STAG3: variants seen among roughly 807,000 people sequenced by gnomAD.
The protein encoded by STAG3 is STAG3 cohesin complex component, also known as cohesin subunit SA-3.
A neutral mutation model predicts 160.7 loss-of-function variants in STAG3; 101 were observed. That is an observed-to-expected ratio of 0.63 (90% CI 0.54 to 0.74). STAG3 has a LOEUF of 0.74. Among genes scored for constraint, STAG3 ranks in the 30% least tolerant of loss-of-function variants. STAG3 has a pLI of 0.00. For missense variants in STAG3, 1,188 were observed against 1,517.4 expected (o/e 0.78, Z 3.61); for synonymous variants, 519 against 585.0 (o/e 0.89, Z 1.63).
intron 10 of STAG3, 77 bp from the exon 11 acceptor site, chr7:100,197,701 G>A (rs1456507097): frequency 2.6e-6 from 3 of 1,135,074 alleles, no homozygotes; most frequent in East Asian, 2.3e-5. Flanking sequence ...TCGGAGAGGG[G>A]AGTCTGGAGG....
At chr7:100,189,165 C>T in intron 7 of STAG3, 149 bp downstream of exon 7, 1 of 965,950 alleles carries the variant, frequency 1.0e-6, no homozygotes, top group Non-Finnish European at 1.5e-6. Context: ...TCCAGTTTCT[C>T]ACTAGTGGAG....
chr7:100,205,407 G>GGGGGT lies in STAG3; in HGVS notation c.3238+25_3238+29dup, dbSNP rs2117403192. On this transcript the variant is annotated intron_variant, in intron 29 of 33. Transcript: ENST00000615138. Reference sequence around the variant, plus strand: ...AAGGTAGGGTGCTGTGTGTGGGTATGGGGGTGCCCAGCAGGTGGTCGTTGG... The same window carrying GGGGGT: ...AAGGTAGGGTGCTGTGTGTGGGTATGGGGGTGGGGTGCCCAGCAGGTGGTCGTTGG... 4 of 1,572,576 alleles carry GGGGGT rather than the reference G, an allele frequency of 2.5e-6. No individual in the cohort carries two copies. The East Asian group carries it at 9.1e-5, about 36-fold the overall frequency.
chr7:100,190,069 G>A (rs1017506375), intron 8 of STAG3, among the ~76,000 whole-genome samples: 25 of 152,178 alleles, frequency 1.6e-4, no homozygotes, highest in Admixed American at 1.6e-3. Flanking sequence ...ATAGCCTTAT[G>A]TAACCTCTCT....
At position 100,198,102 on chromosome 7, in the gene STAG3, A is replaced by G. The variant is rs1163242972; in HGVS notation, c.1180A>G (p.Met394Val). The change falls in exon 12 of 34, where the codon ATG (methionine) becomes GTG (valine). Residue 394 changes from methionine to valine, a missense_variant. By Grantham distance (21) the Met-to-Val change is conservative. Coordinates refer to ENST00000615138, the MANE Select transcript of STAG3 (RefSeq NM_001282717.2). ...TSRFKDRMVS[M>V]VMDREYDVAV... ...CTTTCTGCAGGACCGGATGGTTTCCATGGTCATGGACAGAGAGTATGATGT... is the reference window on the plus strand; with the variant it reads ...CTTTCTGCAGGACCGGATGGTTTCCGTGGTCATGGACAGAGAGTATGATGT... 4 of 1,613,958 alleles carry G rather than the reference A, an allele frequency of 2.5e-6. No homozygotes were observed. The highest frequency in any genetic ancestry group is 1.1e-5 in the South Asian group (1 of 91,074).
intron 32 of STAG3, chr7:100,212,747 A>C (rs552819053): frequency 6.6e-6 from 1 of 152,288 alleles, no homozygotes; most frequent in African/African-American, 2.4e-5. Context: ...GGTGTGAGCC[A>C]CTGCGTGGGG....
intron 23 of STAG3, 46 bp downstream of exon 23, chr7:100,202,087 C>T (rs1329424452): frequency 6.2e-7 from 1 of 1,611,138 alleles, no homozygotes; most frequent in Non-Finnish European, 8.5e-7. Context: ...TATCCCTGCC[C>T]CCATTCCAAG....
chr7:100,216,698 G>A (rs1802780236), downstream of STAG3, among the ~76,000 whole-genome samples: 1 of 152,006 alleles, frequency 6.6e-6, no homozygotes, highest in African/African-American at 2.4e-5. Flanking sequence ...CTACTCGGGA[G>A]GCTGAGACAG....
chr7:100,178,649 T>C (rs7799441), intron 1 of STAG3, among the ~76,000 whole-genome samples: 74,215 of 148,362 alleles, frequency 0.5, 18,879 homozygotes, highest in East Asian at 0.69. Flanking sequence ...TGATCTTGAA[T>C]TCCTGGACCC....
rs555943195 is a variant in STAG3, at chr7:100,200,915, G to A, written c.2007G>A (p.Gln669=). The part of the protein sequence containing the change: ...FFSRADFARS[Q]LVDLLTDRFQ... ...GCCGGGCGGACTTTGCCCGCAGCCA[G>A]CTAGTAGATTTGCTGACTGACCGCT... The change falls in exon 19 of 34, where the codon CAG becomes CAA. Residue 669 remains glutamine (Q), a synonymous_variant. Transcript: ENST00000615138. 7.4e-6 allele frequency: 12 copies of A among 1,614,252 alleles called. No homozygotes were observed. In the South Asian group the frequency reaches 8.8e-5, roughly 12 times the overall value.
chr7:100,219,208 G>T, downstream of STAG3: 1 of 153,006 alleles, frequency 6.5e-6, no homozygotes, highest in East Asian at 1.9e-4. Flanking sequence ...GCTTAACCTG[G>T]TGAGAGACAT....
downstream of STAG3, chr7:100,218,596 GA>G: frequency 2.5e-6 from 1 of 400,256 alleles, no homozygotes; most frequent in South Asian, 2.1e-5. Context: ...GTTATAAAGT[GA>G]AGGGATTTTT....
At position 100,201,976 on chromosome 7, in the gene STAG3, A is replaced by T; in HGVS notation, c.2329A>T (p.Met777Leu). ...QKQLSSLRDR[M>L]VAFCELCQSC... ...GCAGCTGTCGAGTTTGAGGGACAGA[A>T]TGGTGGCCTTCTGTGAACTCTGCCA... The change falls in exon 23 of 34, where the codon ATG becomes TTG. Residue 777 changes from methionine to leucine, a missense_variant. Coordinates refer to ENST00000615138, the MANE Select transcript of STAG3 (RefSeq NM_001282717.2). 6.2e-7 allele frequency: 1 copy of T among 1,614,200 alleles called. No individual in the cohort carries two copies. The highest frequency in any genetic ancestry group is 8.5e-7 in the Non-Finnish European group (1 of 1,180,032).
At chr7:100,204,447 A>T (rs1299939770) in intron 26 of STAG3, among the ~76,000 whole-genome samples, 180 bp from the exon 27 acceptor site, 1 of 152,170 alleles carries the variant, frequency 6.6e-6, no homozygotes. Flanking sequence ...TATGGAGTAG[A>T]GGTGATTGGC....
At chr7:100,202,379 G>C in intron 24 of STAG3, 39 bp downstream of exon 24, 1 of 1,610,804 alleles carries the variant, frequency 6.2e-7, no homozygotes, top group South Asian at 1.1e-5. Context: ...TAAGGGCTGG[G>C]GCTTGGGTGT....
In STAG3 at chr7:100,207,461, C is replaced by G. The variant is rs1426815425; in HGVS notation, c.3238+2077C>G. Among the ~76,000 whole-genome samples, 1 of 152,152 alleles carries G rather than the reference C, an allele frequency of 6.6e-6. No homozygotes were observed. Among genetic ancestry groups the G allele is most frequent in the Non-Finnish European group, 1.5e-5 (1 of 68,036 alleles). On this transcript the variant is annotated intron_variant, in intron 29 of 33. Transcript: ENST00000615138. The surrounding 1 kb of genome is among the most constrained non-coding windows in gnomAD (Gnocchi z 4.0). ...CATTGTGGTTTAAATTTGCATTTCC[C>G]TAATGACAAATGGTATTGAGCATCT...
Position 100,200,445 on chromosome 7 carries a change from CATCACAGTTCTCAGCTG to C in STAG3, c.1771-5_1782del. ...CTTGTAAGGAGGCCTCCCTGTCAAT[CATCACAGTTCTCAGCTG>C]ATGCAGAGAAGGTCACTCCCCTGCT... On this transcript the variant is annotated splice_acceptor_variant and splice_polypyrimidine_tract_variant and coding_sequence_variant and intron_variant, in exon 18 of 34. Transcript: ENST00000615138. LOFTEE classifies it high-confidence loss of function. 3 of 1,614,056 alleles carry C rather than the reference CATCACAGTTCTCAGCTG, an allele frequency of 1.9e-6. No homozygotes were observed. Among genetic ancestry groups the C allele is most frequent in the Non-Finnish European group, 2.5e-6 (3 of 1,179,966 alleles).
At chr7:100,203,522 A>T (rs553088705) in intron 25 of STAG3, among the ~76,000 whole-genome samples, 8 of 148,136 alleles carry the variant, frequency 5.4e-5, no homozygotes, top group African/African-American at 2.0e-4. Context: ...TTATTTATTT[A>T]TTTATTTTTT....
chr7:100,203,982 C>A (rs1362751315), intron 25 of STAG3, 39 bp from the exon 26 acceptor site: 1 of 1,424,098 alleles, frequency 7.0e-7, no homozygotes, highest in Non-Finnish European at 9.9e-7. Flanking sequence ...TGGTCTTTTC[C>A]ACCAGTCAGA....
At chr7:100,178,505 G>A (rs1799420046) in intron 1 of STAG3, among the ~76,000 whole-genome samples, 2 of 150,652 alleles carry the variant, frequency 1.3e-5, no homozygotes, top group Admixed American at 1.3e-4. Flanking sequence ...CTTGCAGAGG[G>A]CGGTTTATAC....
Sources: allele counts gnomAD v4.1 joint callset (sites outside exome capture counted in the v4.1 genomes callset), GRCh38; gene constraint gnomAD v4.1.1; non-coding constraint Gnocchi (gnomAD v3.1); transcripts MANE v1.5; gene names NCBI Gene and HGNC (gene_info 2026-07-23, HGNC 2026-07-21).